UGT2A1: variants seen among roughly 807,000 people sequenced by gnomAD.
UGT2A1 encodes the protein UDP glucuronosyltransferase family 2 member A1 complex locus.
Under a neutral mutation model 45.4 loss-of-function variants are expected in UGT2A1, and 61 were observed. The ratio of observed to expected loss-of-function variants is 1.34; its 90% CI spans 1.09 to 1.66. The LOEUF (loss-of-function observed/expected upper bound fraction) is 1.66. Among genes scored for constraint, UGT2A1 ranks in the 40% most tolerant of loss-of-function variants. UGT2A1 has a pLI of 0.00. For missense variants in UGT2A1, 649 were observed against 574.3 expected (o/e 1.13, Z -1.33); for synonymous variants, 229 against 196.2 (o/e 1.17, Z -1.40).
intron 3 of UGT2A1, among the ~76,000 whole-genome samples, chr4:69,627,992 C>T (rs371776452): frequency 6.6e-5 from 10 of 151,990 alleles, no homozygotes; most frequent in African/African-American, 2.2e-4. Flanking sequence ...TTGATTGTCT[C>T]TTTTGCTGGC....
intron 3 of UGT2A1, among the ~76,000 whole-genome samples, chr4:69,616,244 T>C (rs904912950): frequency 2.0e-5 from 3 of 150,448 alleles, no homozygotes; most frequent in African/African-American, 7.3e-5. Flanking sequence ...TCTTGGGGGG[T>C]GGGGAGGGTA....
intron 1 of UGT2A1, among the ~76,000 whole-genome samples, chr4:69,651,800 A>G (rs1309369663): frequency 6.6e-6 from 1 of 152,216 alleles, no homozygotes; most frequent in East Asian, 1.9e-4. Flanking sequence ...ACTTTACCAA[A>G]AAAGGGAAGA....
At chr4:69,601,541 G>A (rs555302544) in intron 3 of UGT2A1, among the ~76,000 whole-genome samples, 1 of 152,258 alleles carries the variant, frequency 6.6e-6, no homozygotes, top group South Asian at 2.1e-4. Context: ...CCCCAAGAAG[G>A]AAAACACTTC....
At chr4:69,639,972 C>G (rs1275102727) in intron 2 of UGT2A1, among the ~76,000 whole-genome samples, 1 of 151,956 alleles carries the variant, frequency 6.6e-6, no homozygotes, top group Non-Finnish European at 1.5e-5. Context: ...GAAGTTTGCT[C>G]AAACATTTCA....
chr4:69,640,901 A>G (rs571387748), intron 2 of UGT2A1, among the ~76,000 whole-genome samples: 2 of 152,042 alleles, frequency 1.3e-5, no homozygotes, highest in East Asian at 3.9e-4. Flanking sequence ...GGTCTTCAAA[A>G]TAAGCCCAGT....
chr4:69,596,251 T>A, intron 4 of UGT2A1: 1 of 1,575,700 alleles, frequency 6.3e-7, no homozygotes, highest in Non-Finnish European at 8.6e-7. Context: ...TGTACTGACC[T>A]TCTGTGGAAT....
At position 69,637,884 on chromosome 4, in the gene UGT2A1, A is replaced by G. The variant is rs565946635; in HGVS notation, c.716-2062T>C. 4.6e-5 allele frequency among the ~76,000 whole-genome samples: 7 copies of G among 151,738 alleles called. No homozygotes were observed. The South Asian group carries it at 1.0e-3, about 23-fold the overall frequency. On this transcript the variant is annotated intron_variant, in intron 2 of 6. Transcript: ENST00000286604. Reference sequence around the variant, plus strand: ...CAAGAGAGAATGAAGGAAGAAAAGTAAAAAAGGAAGGAAGGCAAGAAGGAA... The same window carrying G: ...CAAGAGAGAATGAAGGAAGAAAAGTGAAAAAGGAAGGAAGGCAAGAAGGAA...
chr4:69,607,787 G>A (rs1387184261), intron 3 of UGT2A1, among the ~76,000 whole-genome samples: 1 of 152,176 alleles, frequency 6.6e-6, no homozygotes, highest in Non-Finnish European at 1.5e-5. Flanking sequence ...CTCAAAAGAA[G>A]ACATTTATGC....
chr4:69,627,874 T>A (rs937874683), intron 3 of UGT2A1, among the ~76,000 whole-genome samples: 36 of 151,960 alleles, frequency 2.4e-4, no homozygotes, highest in Admixed American at 4.6e-4. Context: ...TAAAAGAGAA[T>A]GGAGATAAAA....
At chr4:69,645,142 C>A (rs1030344551) in intron 2 of UGT2A1, among the ~76,000 whole-genome samples, 1 of 151,654 alleles carries the variant, frequency 6.6e-6, no homozygotes, top group Non-Finnish European at 1.5e-5. Flanking sequence ...GCAGTCTGTG[C>A]ATTATTACTT....
intron 3 of UGT2A1, among the ~76,000 whole-genome samples, chr4:69,618,199 G>GTGTGTGTGTATGTT (rs1553905677): frequency 1.8e-4 from 16 of 87,136 alleles, no homozygotes; most frequent in East Asian, 1.5e-3. Flanking sequence ...GTGTGTGTGT[G>GTGTGTGTGTATGTT]TGTGTGTGTG....
rs958928925 is a variant in UGT2A1 at position 69,588,770 on chromosome 4, T to C, written c.*602A>G. ...GCAGGCAAGTTATGCCGTGATTTTCTAGATATGCTTAATGAAAATTTTGTA... is the reference window on the plus strand; with the variant it reads ...GCAGGCAAGTTATGCCGTGATTTTCCAGATATGCTTAATGAAAATTTTGTA... On this transcript the variant is annotated 3_prime_UTR_variant, in exon 7 of 7. Transcript: ENST00000286604. 4 of 152,120 alleles carry C rather than the reference T, an allele frequency of 2.6e-5. No individual in the cohort carries two copies. Among genetic ancestry groups the C allele is most frequent in the African/African-American group, 9.7e-5 (4 of 41,434 alleles). 9.4% of individuals were successfully genotyped at this position (152,120 alleles called of 1,614,324 possible).
In UGT2A1 at chr4:69,596,448, C is replaced by G. The variant is rs999261532; in HGVS notation, c.997-1199G>C. On this transcript the variant is annotated intron_variant, in intron 4 of 6. Coordinates refer to ENST00000286604, the MANE Select transcript of UGT2A1 (RefSeq NM_001252275.3). The stretch of plus-strand genomic sequence containing the variant: ...ATAAGAAAAAATAAGTTTACTTACA[C>G]ATTTAAGTAGGTAAAATTAAGATAT... The G allele has an allele frequency of 3.6e-6, 5 of 1,408,046 alleles. No individual in the cohort carries two copies. The Admixed American group carries it at 1.3e-4, about 36-fold the overall frequency. 87.2% of individuals were successfully genotyped at this position (1,408,046 alleles called of 1,614,324 possible).
chr4:69,595,042 AAAT>A, intron 5 of UGT2A1, 117 bp downstream of exon 5: 1 of 1,365,676 alleles, frequency 7.3e-7, no homozygotes, highest in Non-Finnish European at 1.0e-6. Flanking sequence ...ATCTGCTTTA[AAAT>A]TGAGTGTCAA....
At chr4:69,593,129 A>G (rs930884041) in intron 6 of UGT2A1, among the ~76,000 whole-genome samples, 2 of 152,132 alleles carry the variant, frequency 1.3e-5, no homozygotes, top group Non-Finnish European at 2.9e-5. Context: ...TTCTCATAAC[A>G]AAGCAGTGAG....
Position 69,647,369 on chromosome 4 carries a change from C to G in UGT2A1, c.276G>C (p.Leu92Phe). Residue 92 changes from leucine (L) to phenylalanine (F), a missense_variant, in exon 2 of 7, where the codon TTG (leucine) becomes TTC (phenylalanine). Physicochemically the swap from Leu to Phe is conservative, Grantham distance 22. Transcript: ENST00000286604. ...RIEGVIKDFV[L>F]TWLENRPSPS... ...GAGATGGTCTATTTTCCAGCCATGT[C>G]AAAACGAAGTCCTTAATTACTCCTT... is the stretch of plus-strand genomic sequence containing the variant. The G allele has an allele frequency of 6.2e-7, 1 of 1,613,248 alleles. No individual in the cohort carries two copies. The highest frequency in any genetic ancestry group is 8.5e-7 in the Non-Finnish European group (1 of 1,179,508).
chr4:69,624,644 T>C (rs1468142752), intron 3 of UGT2A1, among the ~76,000 whole-genome samples: 1 of 151,310 alleles, frequency 6.6e-6, no homozygotes, highest in Non-Finnish European at 1.5e-5. Context: ...TTTGTTGTGG[T>C]TGTGTGTAAA....
At chr4:69,619,857 A>G (rs544556270) in intron 3 of UGT2A1, among the ~76,000 whole-genome samples, 1 of 152,168 alleles carries the variant, frequency 6.6e-6, no homozygotes, top group South Asian at 2.1e-4. Flanking sequence ...ACATACACAA[A>G]TCAATACATG....
chr4:69,632,641 G>C (rs1329486736), intron 3 of UGT2A1, among the ~76,000 whole-genome samples: 4 of 152,106 alleles, frequency 2.6e-5, no homozygotes, highest in Admixed American at 2.6e-4. Context: ...TGTAATCCCA[G>C]CACTTTGGGA....
Sources: gnomAD v4.1 joint callset for allele counts (sites outside exome capture counted in the v4.1 genomes callset) on GRCh38, gnomAD v4.1.1 for gene constraint, MANE v1.5 for transcripts, NCBI Gene and HGNC (gene_info 2026-07-23, HGNC 2026-07-21) for gene names.